The following DAB2 variants were observed in gnomAD, a reference collection of about 807,000 sequenced individuals.
The protein encoded by DAB2 is disabled homolog 2.
A neutral mutation model predicts 71.6 loss-of-function variants in DAB2; 28 were observed. That is an observed-to-expected ratio of 0.39 (90% CI 0.29 to 0.54). The LOEUF (loss-of-function observed/expected upper bound fraction) is 0.54, where lower values mean the gene tolerates loss of function less well. Ranked by LOEUF, DAB2 falls within the 20% of genes least tolerant of loss-of-function variation. The probability of loss-of-function intolerance (pLI) is 0.68; values close to 1 mark genes in which losing one functional copy is unlikely to be tolerated. For missense variants in DAB2, 867 were observed against 928.8 expected (o/e 0.93, Z 0.86); for synonymous variants, 345 against 339.7 (o/e 1.02, Z -0.17).
intron 1 of DAB2, among the ~76,000 whole-genome samples, chr5:39,401,997 G>C (rs1755514312): frequency 6.6e-6 from 1 of 152,096 alleles, no homozygotes; most frequent in African/African-American, 2.4e-5. Context: ...TAGCTGGGGA[G>C]GCCTCACAAT....
intron 1 of DAB2, among the ~76,000 whole-genome samples, chr5:39,412,855 A>G (rs865937194): frequency 1.3e-5 from 2 of 152,108 alleles, no homozygotes; most frequent in Non-Finnish European, 2.9e-5. Context: ...AACAAAAGAG[A>G]TAATTAATTT....
chr5:39,404,232 C>A (rs1360230173), intron 1 of DAB2, among the ~76,000 whole-genome samples: 1 of 111,800 alleles, frequency 8.9e-6, no homozygotes, highest in African/African-American at 3.6e-5. Flanking sequence ...CATCACACAC[C>A]AGGGTCTGTT....
chr5:39,413,776 A>G (rs138864085), intron 1 of DAB2, among the ~76,000 whole-genome samples: 1 of 152,358 alleles, frequency 6.6e-6, no homozygotes, highest in Non-Finnish European at 1.5e-5. Context: ...TATTTTAAAA[A>G]TTAAATTCCT....
chr5:39,381,656 A>C, intron 10 of DAB2, 40 bp from the exon 11 acceptor site: 2 of 1,608,964 alleles, frequency 1.2e-6, no homozygotes, highest in Non-Finnish European at 1.7e-6. Context: ...TTAGTTACTC[A>C]CTAACAGTGA....
At position 39,394,424 on chromosome 5, in the gene DAB2, G is replaced by A. The variant is rs956997823; in HGVS notation, c.-101-3C>T. 2.4e-6 allele frequency: 2 copies of A among 850,318 alleles called. No homozygotes were observed. The highest frequency in any genetic ancestry group is 1.7e-5 in the African/African-American group (1 of 60,048). 52.7% of individuals were successfully genotyped at this position (850,318 alleles called of 1,614,324 possible). A position where few individuals can be genotyped will look rare whatever the true frequency, so the allele number is the denominator to read the frequency against. On this transcript the variant is annotated splice_region_variant and splice_polypyrimidine_tract_variant and intron_variant, in intron 1 of 14. Coordinates refer to ENST00000320816, the MANE Select transcript of DAB2 (RefSeq NM_001343.4). ...TAAACATAACCTCCCACAGACACCT[G>A]TAGGCAGAGTTTAGAGGCATATTGA...
chr5:39,423,482 G>GT (rs746347280), intron 1 of DAB2, among the ~76,000 whole-genome samples: 1 of 152,148 alleles, frequency 6.6e-6, no homozygotes, highest in Non-Finnish European at 1.5e-5. Context: ...GGCTGCTGGG[G>GT]TAAGAAGCAT....
At chr5:39,393,853 T>TA (rs1737898193) in intron 2 of DAB2, among the ~76,000 whole-genome samples, 1 of 152,244 alleles carries the variant, frequency 6.6e-6, no homozygotes, top group South Asian at 2.1e-4. Context: ...ATCCCATCTT[T>TA]ATAATGTCTT....
At chr5:39,377,483 G>A (rs1754861676) in intron 11 of DAB2, among the ~76,000 whole-genome samples, 1 of 152,074 alleles carries the variant, frequency 6.6e-6, no homozygotes, top group Non-Finnish European at 1.5e-5. Flanking sequence ...TCAAATGCTG[G>A]TTGCATTTTG....
At chr5:39,413,693 G>C (rs529493277) in intron 1 of DAB2, among the ~76,000 whole-genome samples, 9 of 152,306 alleles carry the variant, frequency 5.9e-5, no homozygotes, top group African/African-American at 2.2e-4. Flanking sequence ...AAGAAGGGCA[G>C]TAGGAAAGGA....
Position 39,382,924 on chromosome 5 carries a change from C to T in DAB2, c.1035G>A (p.Gln345=). ...PLNGDVDYFG[Q]QFDQISNRTG... ...TCCGGTTAGAGATCTGGTCAAATTG[C>T]TGACCAAAGTAGTCAACATCACCAT... The change falls in exon 10 of 15, where the codon CAG becomes CAA. Residue 345 remains glutamine (Q), a synonymous_variant. Transcript: ENST00000320816. 6.2e-7 allele frequency: 1 copy of T among 1,614,136 alleles called. No individual in the cohort carries two copies. The highest frequency in any genetic ancestry group is 8.5e-7 in the Non-Finnish European group (1 of 1,180,018).
In DAB2 at chr5:39,372,994, A is replaced by G. The variant is rs1275082662; in HGVS notation, c.*437T>C. On this transcript the variant is annotated 3_prime_UTR_variant, in exon 15 of 15. Transcript: ENST00000320816. Reference sequence around the variant, plus strand: ...GGTGCCTTGTTCTACTATAACCTTTAGGTTTTATGCTCTGAAACAGAACCC... The same window carrying G: ...GGTGCCTTGTTCTACTATAACCTTTGGGTTTTATGCTCTGAAACAGAACCC... The G allele has an allele frequency of 6.6e-6, 1 of 152,030 alleles. No individual in the cohort carries two copies. Among genetic ancestry groups the G allele is most frequent in the Non-Finnish European group, 1.5e-5 (1 of 67,998 alleles). The allele number at this position is 152,030 out of a possible 1,614,324, so 9.4% of individuals were successfully genotyped here.
intron 1 of DAB2, among the ~76,000 whole-genome samples, chr5:39,420,987 T>C (rs1356298958): frequency 7.2e-5 from 11 of 152,116 alleles, no homozygotes; most frequent in Admixed American, 7.2e-4. Context: ...GGTCCCTCCC[T>C]TCCCACTTCC....
At chr5:39,415,106 A>T (rs1377497429) in intron 1 of DAB2, among the ~76,000 whole-genome samples, 1 of 152,174 alleles carries the variant, frequency 6.6e-6, no homozygotes, top group Non-Finnish European at 1.5e-5. Context: ...TCAAGGAATT[A>T]TATATAAATT....
Position 39,393,265 on chromosome 5 carries a change from T to A in DAB2, c.220A>T (p.Met74Leu). ...RGDKMSQDSMMKLKGMAAAGR... is the reference protein window; with the variant it reads ...RGDKMSQDSMLKLKGMAAAGR... ...CATTTCCCTTTTACCTTTAGTTTCATCATAGAGTCTTGGCTCATTTTATCC... is the reference window on the plus strand; with the variant it reads ...CATTTCCCTTTTACCTTTAGTTTCAACATAGAGTCTTGGCTCATTTTATCC... Residue 74 changes from methionine to leucine, a missense_variant, in exon 3 of 15, where the codon ATG becomes TTG. By Grantham distance (15) the Met-to-Leu change is conservative. Coordinates refer to ENST00000320816, the MANE Select transcript of DAB2 (RefSeq NM_001343.4). 4 of 1,613,998 alleles carry A rather than the reference T, an allele frequency of 2.5e-6. No homozygotes were observed. The highest frequency in any genetic ancestry group is 3.4e-6 in the Non-Finnish European group (4 of 1,179,932).
chr5:39,394,208 C>T (rs1473317786), intron 2 of DAB2, 22 bp downstream of exon 2: 2 of 1,601,852 alleles, frequency 1.2e-6, no homozygotes, highest in Non-Finnish European at 1.7e-6. Flanking sequence ...CCTTCCTTGG[C>T]TTCAAGTGGA....
intron 5 of DAB2, 111 bp from the exon 6 acceptor site, chr5:39,390,043 C>T: frequency 4.0e-6 from 3 of 753,930 alleles, no homozygotes; most frequent in South Asian, 2.0e-5. Context: ...CTTAAAACGC[C>T]TTACTACCCT....
chr5:39,373,457 G>A (rs1465302917), intron 14 of DAB2, 32 bp from the exon 15 acceptor site: 1 of 152,372 alleles, frequency 6.6e-6, no homozygotes, highest in Non-Finnish European at 1.5e-5. Context: ...AGAAACTTGT[G>A]GTTAGAATTT....
At chr5:39,410,364 G>A (rs866705128) in intron 1 of DAB2, among the ~76,000 whole-genome samples, 1 of 152,026 alleles carries the variant, frequency 6.6e-6, no homozygotes, top group African/African-American at 2.4e-5. Flanking sequence ...TTTTGATCTG[G>A]ACATAATCTG....
chr5:39,379,225 G>A (rs1282765718), intron 11 of DAB2, among the ~76,000 whole-genome samples: 4 of 152,094 alleles, frequency 2.6e-5, no homozygotes, highest in Admixed American at 6.6e-5. Flanking sequence ...AAGCCAAAGT[G>A]GGAGGACCAC....
Sources: gnomAD v4.1 joint callset for allele counts (sites outside exome capture counted in the v4.1 genomes callset) on GRCh38, gnomAD v4.1.1 for gene constraint, MANE v1.5 for transcripts, NCBI Gene and HGNC (gene_info 2026-07-23, HGNC 2026-07-21) for gene names.